LRIF1: variants seen among roughly 807,000 people sequenced by gnomAD.
The protein encoded by LRIF1 is ligand-dependent nuclear receptor-interacting factor 1.
LRIF1 carries 32 observed loss-of-function variants against 52.7 expected under a neutral mutation model. That is an observed-to-expected ratio of 0.61 (90% confidence interval 0.46 to 0.82). The LOEUF is 0.82. Ranked by LOEUF, LRIF1 falls within the 40% of genes least tolerant of loss-of-function variation. LRIF1 has a pLI of 0.00. For missense variants in LRIF1, 887 were observed against 892.0 expected, an observed-to-expected ratio of 0.99 and a Z score of 0.07; for synonymous variants, 323 against 317.4, an observed-to-expected ratio of 1.02 and a Z score of -0.19.
chr1:110,950,280 T>C (rs1186293575), intron 2 of LRIF1, among the ~76,000 whole-genome samples, 157 bp from the exon 3 acceptor site: 2 of 152,178 alleles, frequency 1.3e-5, no homozygotes, highest in Non-Finnish European at 2.9e-5. Context: ...CTCAAAAAAC[T>C]GAATATAAGG....
At chr1:110,949,007 A>AAC (rs1473617618) in intron 3 of LRIF1, among the ~76,000 whole-genome samples, 3 of 152,202 alleles carry the variant, frequency 2.0e-5, no homozygotes, top group Non-Finnish European at 4.4e-5. Flanking sequence ...ATTTTCTTGT[A>AAC]ACATAATGGG....
At chr1:110,897,377 C>T in the LRIF1 span, among the ~76,000 whole-genome samples, 1 of 152,218 alleles carries the variant, frequency 6.6e-6, no homozygotes, top group African/African-American at 2.4e-5. Context: ...CTAGGACAAC[C>T]ACTGACCAGC....
At chr1:110,891,549 TGG>T in the LRIF1 span, 1 of 664,794 alleles carries the variant, frequency 1.5e-6, no homozygotes, top group South Asian at 1.9e-5. Context: ...CTGAAGAGGC[TGG>T]TGTGGGGTAA....
In LRIF1 at chr1:110,952,618, G is replaced by A. The variant is rs766273687; in HGVS notation, c.266C>T (p.Thr89Ile). 1.9e-6 allele frequency: 3 copies of A among 1,613,968 alleles called. No individual in the cohort carries two copies. The highest frequency in any genetic ancestry group is 2.5e-6 in the Non-Finnish European group (3 of 1,179,962). The change falls in exon 2 of 4, where the codon ACA (threonine) becomes ATA (isoleucine). Residue 89 changes from threonine (T) to isoleucine (I), a missense_variant. Coordinates refer to ENST00000369763, the MANE Select transcript of LRIF1 (RefSeq NM_018372.4). The part of the protein sequence containing the change: ...TFQTQISSSS[T>I]SASVQLPIFQ... ...AATGGGCAATTGAACTGATGCACTTGTGGAAGAGCTGGAAATCTGAGTCTG... is the reference window on the plus strand; with the variant it reads ...AATGGGCAATTGAACTGATGCACTTATGGAAGAGCTGGAAATCTGAGTCTG...
chr1:110,906,188 A>G, the LRIF1 span, among the ~76,000 whole-genome samples: 3 of 152,202 alleles, frequency 2.0e-5, no homozygotes. Context: ...GATTTTGGCA[A>G]TGTTATTGGG....
chr1:110,891,666 G>C, the LRIF1 span, among the ~76,000 whole-genome samples: 3 of 152,128 alleles, frequency 2.0e-5, no homozygotes, highest in Non-Finnish European at 4.4e-5. Flanking sequence ...AAATTGAAAG[G>C]TACCAGTGCA....
chr1:110,884,462 T>C, the LRIF1 span, among the ~76,000 whole-genome samples: 10 of 152,152 alleles, frequency 6.6e-5, no homozygotes, highest in African/African-American at 2.2e-4. Context: ...TGGAGTGTTC[T>C]ATCACAATCA....
chr1:110,942,805 C>T (rs1376099168), downstream of LRIF1, among the ~76,000 whole-genome samples: 1 of 151,922 alleles, frequency 6.6e-6, no homozygotes, highest in African/African-American at 2.4e-5. Flanking sequence ...TGATTTTGGC[C>T]TGTGTTGATT....
chr1:110,951,434 T>G lies in LRIF1; in HGVS notation c.1450A>C (p.Thr484Pro). ...TNPIFPVGFS[T>P]GHNAPRKVTA... ...ACTTTTCTGGGGGCATTGTGTCCTG[T>G]ACTAAATCCAACTGGAAAGATTGGA... The change falls in exon 2 of 4, where the codon ACA becomes CCA. Residue 484 changes from threonine to proline, a missense_variant. Thr to Pro is a conservative substitution (Grantham distance 38). Transcript: ENST00000369763. The G allele has an allele frequency of 2.5e-6, 4 of 1,614,186 alleles. No individual in the cohort carries two copies. Among genetic ancestry groups the G allele is most frequent in the Non-Finnish European group, 3.4e-6 (4 of 1,180,014 alleles).
the LRIF1 span, among the ~76,000 whole-genome samples, chr1:110,929,218 A>G: frequency 6.6e-6 from 1 of 152,206 alleles, no homozygotes; most frequent in East Asian, 1.9e-4. Context: ...TAGTGCTACA[A>G]TGAACATACA....
At chr1:110,890,596 A>C in the LRIF1 span, among the ~76,000 whole-genome samples, 2 of 150,822 alleles carry the variant, frequency 1.3e-5, no homozygotes, top group African/African-American at 5.0e-5. Context: ...AAAGAGAAAG[A>C]GAAAGGAAAG....
chr1:110,891,250 C>T, the LRIF1 span: 23 of 640,790 alleles, frequency 3.6e-5, no homozygotes, highest in Non-Finnish European at 5.3e-5. Context: ...ACTAGGAAAG[C>T]GCAGAGTTTG....
the LRIF1 span, among the ~76,000 whole-genome samples, chr1:110,935,316 C>A: frequency 6.6e-6 from 1 of 152,128 alleles, no homozygotes; most frequent in East Asian, 1.9e-4. Context: ...TGCAGGAAAT[C>A]ATGACCTCAC....
At chr1:110,945,899 G>A (rs1332662297), downstream of LRIF1, among the ~76,000 whole-genome samples, 3 of 152,112 alleles carry the variant, frequency 2.0e-5, no homozygotes, top group South Asian at 2.1e-4. Context: ...ATGTTTATGT[G>A]GTGTGGGGAG....
intron 1 of LRIF1, among the ~76,000 whole-genome samples, chr1:110,959,833 C>T (rs1170893859): frequency 6.7e-6 from 1 of 149,866 alleles, no homozygotes; most frequent in South Asian, 2.1e-4. Context: ...TTTTACTATT[C>T]TAATATTGAT....
intron 1 of LRIF1, among the ~76,000 whole-genome samples, chr1:110,955,239 T>C (rs1468372720): frequency 6.6e-6 from 1 of 152,192 alleles, no homozygotes; most frequent in Non-Finnish European, 1.5e-5. Context: ...TCTTATTCCT[T>C]ATATTCAGTG....
downstream of LRIF1, among the ~76,000 whole-genome samples, chr1:110,945,404 G>A (rs968976531): frequency 1.7e-4 from 25 of 146,582 alleles, no homozygotes; most frequent in South Asian, 6.6e-4. Flanking sequence ...TCCTTCTTCC[G>A]TTCCTCTTTC....
intron 2 of LRIF1, among the ~76,000 whole-genome samples, chr1:110,950,511 A>G (rs1216003322): frequency 2.6e-5 from 4 of 152,114 alleles, no homozygotes; most frequent in African/African-American, 7.2e-5. Context: ...ACCTCCTTAC[A>G]TCTCTGGAGT....
At chr1:110,907,888 T>C in the LRIF1 span, among the ~76,000 whole-genome samples, 2 of 152,242 alleles carry the variant, frequency 1.3e-5, no homozygotes, top group Admixed American at 1.3e-4. Flanking sequence ...CTCTTGCCTT[T>C]TGTTTCAACA....
Sources: allele counts gnomAD v4.1 joint callset (sites outside exome capture counted in the v4.1 genomes callset), GRCh38; gene constraint gnomAD v4.1.1; transcripts MANE v1.5; gene names NCBI Gene and HGNC (gene_info 2026-07-23, HGNC 2026-07-21).